The following TMEM108 variants were observed in gnomAD, a reference collection of about 807,000 sequenced individuals.
TMEM108 encodes cancer/testis antigen 124.
TMEM108 carries 12 observed loss-of-function variants against 35.1 expected under a neutral mutation model. The observed-to-expected ratio is 0.34, with a 90% CI of 0.22 to 0.55. The LOEUF is 0.55. Ranked by LOEUF, TMEM108 falls within the 20% of genes least tolerant of loss-of-function variation. The pLI, the probability that TMEM108 is intolerant of heterozygous loss-of-function variation, is 0.89. For synonymous variants in TMEM108, 287 were observed against 308.6 expected, an observed-to-expected ratio of 0.93 and a Z score of 0.73; for missense variants, 680 against 753.3, an observed-to-expected ratio of 0.90 and a Z score of 1.14.
chr3:133,361,419 C>G (rs1175466765), intron 3 of TMEM108, among the ~76,000 whole-genome samples: 2 of 152,216 alleles, frequency 1.3e-5, no homozygotes, highest in African/African-American at 4.8e-5. Context: ...AAAAGGTTAT[C>G]ATGTGGGTTT....
chr3:133,207,202 T>A (rs1024277866), intron 2 of TMEM108, among the ~76,000 whole-genome samples: 1 of 152,180 alleles, frequency 6.6e-6, no homozygotes, highest in African/African-American at 2.4e-5. Context: ...TTCCTCAGGA[T>A]ACAGTCCCTC....
chr3:133,277,828 C>CT (rs1365421003), intron 3 of TMEM108, among the ~76,000 whole-genome samples: 1 of 152,180 alleles, frequency 6.6e-6, no homozygotes, highest in Non-Finnish European at 1.5e-5. Flanking sequence ...AAGACCATGA[C>CT]TTGATGGCTC....
At chr3:133,254,926 G>T (rs1226133376) in intron 3 of TMEM108, among the ~76,000 whole-genome samples, 1 of 152,192 alleles carries the variant, frequency 6.6e-6, no homozygotes, top group Non-Finnish European at 1.5e-5. Context: ...TATTTCTGGT[G>T]GTTCATGCTG....
At chr3:133,307,724 G>T (rs573720114) in intron 3 of TMEM108, among the ~76,000 whole-genome samples, 1 of 152,060 alleles carries the variant, frequency 6.6e-6, no homozygotes, top group East Asian at 1.9e-4. Flanking sequence ...CTGTTCCATC[G>T]GTCTGTATAT....
chr3:133,124,726 G>A (rs1228785943), intron 2 of TMEM108: 1 of 152,542 alleles, frequency 6.6e-6, no homozygotes, highest in Non-Finnish European at 1.5e-5. Context: ...CCAAACGTCT[G>A]CCAGGCAAAT....
intron 2 of TMEM108, among the ~76,000 whole-genome samples, chr3:133,224,697 C>T (rs980916647): frequency 6.6e-6 from 1 of 152,100 alleles, no homozygotes; most frequent in South Asian, 2.1e-4. Context: ...CCTCCCCAGC[C>T]GTGTGGAACG....
chr3:133,332,600 A>G (rs574089016), intron 3 of TMEM108, among the ~76,000 whole-genome samples: 1 of 152,326 alleles, frequency 6.6e-6, no homozygotes, highest in African/African-American at 2.4e-5. Context: ...TGTGGTAATT[A>G]GCCTTATTAG....
At chr3:133,298,419 A>G (rs1559896185) in intron 3 of TMEM108, among the ~76,000 whole-genome samples, 2 of 151,900 alleles carry the variant, frequency 1.3e-5, no homozygotes, top group East Asian at 3.9e-4. Context: ...ACCCAATACA[A>G]CTATGTTTAT....
chr3:133,151,284 T>C (rs1268815347), intron 2 of TMEM108, among the ~76,000 whole-genome samples: 1 of 152,150 alleles, frequency 6.6e-6, no homozygotes, highest in African/African-American at 2.4e-5. Context: ...GTTGTATCCC[T>C]AGCCCCTAAC....
chr3:133,240,721 C>T (rs1381660528), intron 3 of TMEM108, among the ~76,000 whole-genome samples: 1 of 152,210 alleles, frequency 6.6e-6, no homozygotes, highest in South Asian at 2.1e-4. Flanking sequence ...GCTCCCAGAG[C>T]TCCCTCATTG....
intron 2 of TMEM108, among the ~76,000 whole-genome samples, chr3:133,177,065 G>T (rs1483452342): frequency 6.6e-6 from 1 of 152,116 alleles, no homozygotes; most frequent in Non-Finnish European, 1.5e-5. Flanking sequence ...AGAAAATCTA[G>T]AAGAAATGGA....
chr3:133,174,132 G>T (rs2197968), intron 2 of TMEM108, among the ~76,000 whole-genome samples: 1 of 152,142 alleles, frequency 6.6e-6, no homozygotes, highest in South Asian at 2.1e-4. Context: ...GGCTGGGGGA[G>T]GGTGCCTGCC....
chr3:133,155,238 A>G (rs1229681729), intron 2 of TMEM108, among the ~76,000 whole-genome samples: 1 of 152,112 alleles, frequency 6.6e-6, no homozygotes, highest in Non-Finnish European at 1.5e-5. Context: ...TATATACCAC[A>G]TTTCCTTTAT....
chr3:133,351,465 T>C (rs960174839), intron 3 of TMEM108, among the ~76,000 whole-genome samples: 1 of 152,112 alleles, frequency 6.6e-6, no homozygotes, highest in Non-Finnish European at 1.5e-5. Flanking sequence ...CCATAGAGAC[T>C]GTGGAACATG....
intron 4 of TMEM108, among the ~76,000 whole-genome samples, chr3:133,385,374 G>A (rs1023027773): frequency 3.3e-5 from 5 of 152,162 alleles, no homozygotes; most frequent in Admixed American, 2.0e-4. Context: ...AGCACCTCCA[G>A]GCAGCACTCA....
chr3:133,292,926 A>G (rs368005529), intron 3 of TMEM108, among the ~76,000 whole-genome samples: 1 of 152,188 alleles, frequency 6.6e-6, no homozygotes, highest in African/African-American at 2.4e-5. Context: ...TAGTTTCCCT[A>G]TCTATAAAGT....
chr3:133,047,289 T>TGTATATCCTGTATTTTAAAA (rs1943352207), intron 2 of TMEM108, among the ~76,000 whole-genome samples: 1 of 152,184 alleles, frequency 6.6e-6, no homozygotes, highest in African/African-American at 2.4e-5. Context: ...CTCTATATCC[T>TGTATATCCTGTATTTTAAAA]GTATATCCTG....
chr3:133,270,079 C>G (rs955751340), intron 3 of TMEM108, among the ~76,000 whole-genome samples: 1 of 152,160 alleles, frequency 6.6e-6, no homozygotes, highest in African/African-American at 2.4e-5. Context: ...CCCCATTTCT[C>G]AGAGGTTTGC....
intron 2 of TMEM108, among the ~76,000 whole-genome samples, chr3:133,093,838 A>C (rs1943978431): frequency 6.6e-6 from 1 of 152,210 alleles, no homozygotes; most frequent in Non-Finnish European, 1.5e-5. Flanking sequence ...CTATAAGTAG[A>C]GATGGTTTTC....
Sources: gnomAD v4.1 joint callset for allele counts (sites outside exome capture counted in the v4.1 genomes callset) on GRCh38, gnomAD v4.1.1 for gene constraint, MANE v1.5 for transcripts, NCBI Gene and HGNC (gene_info 2026-07-23, HGNC 2026-07-21) for gene names.